The following SFSWAP variants were observed in gnomAD, a reference collection of about 807,000 sequenced individuals.
SFSWAP encodes splicing factor, suppressor of white-apricot homolog.
In SFSWAP, 17 loss-of-function variants were observed where a neutral mutation model predicts 100.7. The ratio of observed to expected loss-of-function variants is 0.17; its 90% CI spans 0.12 to 0.25. The LOEUF (loss-of-function observed/expected upper bound fraction) is 0.25. Ranked by LOEUF, SFSWAP falls within the 10% of genes least tolerant of loss-of-function variation. SFSWAP has a pLI of 1.00. For missense variants in SFSWAP, 1,005 were observed against 1,262.6 expected, an observed-to-expected ratio of 0.80 and a Z score of 3.09; for synonymous variants, 504 against 510.1, an observed-to-expected ratio of 0.99 and a Z score of 0.16.
intron 13 of SFSWAP, among the ~76,000 whole-genome samples, chr12:131,774,795 G>C (rs988044196): frequency 6.6e-6 from 1 of 152,304 alleles, no homozygotes; most frequent in Non-Finnish European, 1.5e-5. Flanking sequence ...AATAGACCTG[G>C]ACTTGATTAC....
chr12:131,785,643 G>C (rs1489694761), intron 14 of SFSWAP: 1 of 159,334 alleles, frequency 6.3e-6, no homozygotes, highest in African/African-American at 2.4e-5. Flanking sequence ...ATCACCCCTG[G>C]AGGGGCGCGG....
rs60047663 is a variant in SFSWAP, at chr12:131,740,966, C to CTTTTTTTTTTTTTTTTTTTT, written c.1082-12152_1082-12133dup. 7.3e-3 allele frequency among the ~76,000 whole-genome samples: 515 copies of CTTTTTTTTTTTTTTTTTTTT among 70,218 alleles called. 4 individuals carry two copies. The highest frequency in any genetic ancestry group is 0.012 in the East Asian group (23 of 1,976). The allele number at this position is 70,218 out of a possible 152,430, so 46.1% of individuals were successfully genotyped here. The stretch of plus-strand genomic sequence containing the variant: ...TCATTTCTTTTTTTTTCTTTTTTTT[C>CTTTTTTTTTTTTTTTTTTTT]TTTTTTTTTTTTTTTTTTTTTTTTG... On this transcript the variant is annotated intron_variant, in intron 7 of 17. Transcript: ENST00000261674.
chr12:131,771,193 A>G (rs544839316), intron 13 of SFSWAP, among the ~76,000 whole-genome samples: 1 of 152,288 alleles, frequency 6.6e-6, no homozygotes, highest in African/African-American at 2.4e-5. Flanking sequence ...AACTTTTTTC[A>G]CTTACAGTAG....
intron 11 of SFSWAP, among the ~76,000 whole-genome samples, chr12:131,763,531 T>A (rs970956274): frequency 1.1e-4 from 16 of 152,202 alleles, no homozygotes; most frequent in African/African-American, 3.9e-4. Flanking sequence ...GCCTCCATAT[T>A]TCCCTTAAAT....
In SFSWAP at chr12:131,756,531, C is replaced by G; in HGVS notation, c.1607C>G (p.Ala536Gly). The change falls in exon 11 of 18, where the codon GCT becomes GGT. Residue 536 changes from alanine (A) to glycine (G), a missense_variant. Ala to Gly is a moderately conservative substitution (Grantham distance 60). This residue lies in a region of SFSWAP where 311 missense variants were observed against 317.8 expected (regional missense o/e 0.98). Coordinates refer to ENST00000261674, the MANE Select transcript of SFSWAP (RefSeq NM_004592.4). The part of the protein sequence containing the change: ...TDSAPEKPSD[A>G]GEDGAPEDAA... ...TCTGCTCCCGAGAAGCCAAGTGATG[C>G]TGGGGAGGATGGCGCGCCTGAAGAC... 9 of 1,614,042 alleles carry G rather than the reference C, an allele frequency of 5.6e-6. No individual in the cohort carries two copies. The highest frequency in any genetic ancestry group is 7.6e-6 in the Non-Finnish European group (9 of 1,179,988).
chr12:131,735,178 A>G (rs1015140580), intron 7 of SFSWAP, among the ~76,000 whole-genome samples: 7 of 152,188 alleles, frequency 4.6e-5, no homozygotes, highest in Admixed American at 1.3e-4. Flanking sequence ...CCAAAAATCA[A>G]GTCCCCACAA....
chr12:131,793,595 A>G (rs1885428193), intron 15 of SFSWAP, among the ~76,000 whole-genome samples: 1 of 152,156 alleles, frequency 6.6e-6, no homozygotes, highest in Non-Finnish European at 1.5e-5. Context: ...CTCTGATAAG[A>G]GGAAAAAACC....
chr12:131,795,123 C>T (rs565424473), intron 15 of SFSWAP, among the ~76,000 whole-genome samples: 26 of 152,346 alleles, frequency 1.7e-4, no homozygotes, highest in Non-Finnish European at 2.6e-4. Flanking sequence ...GTGTGTTGAA[C>T]AGTAAACAAC....
At chr12:131,798,076 C>T (rs1026938542) in intron 16 of SFSWAP, among the ~76,000 whole-genome samples, 4 of 152,230 alleles carry the variant, frequency 2.6e-5, no homozygotes, top group African/African-American at 9.6e-5. Context: ...CGCCGTGGCT[C>T]ATACCTGTAA....
intron 10 of SFSWAP, among the ~76,000 whole-genome samples, chr12:131,756,192 T>C (rs1302039094): frequency 1.3e-5 from 2 of 152,052 alleles, no homozygotes; most frequent in Non-Finnish European, 1.5e-5. Flanking sequence ...GAGTAATCAG[T>C]GTCCAAAGAA....
At position 131,734,794 on chromosome 12, in the gene SFSWAP, T is replaced by A. The variant is rs909598807; in HGVS notation, c.1081+6366T>A. ...ACAGGTGAGATGAACGAGCTCTCCCTGCGTGCGCACGTCTACGTACGCTCG... is the reference window on the plus strand; with the variant it reads ...ACAGGTGAGATGAACGAGCTCTCCCAGCGTGCGCACGTCTACGTACGCTCG... On this transcript the variant is annotated intron_variant, in intron 7 of 17. Transcript: ENST00000261674. The surrounding 1 kb of genome is among the most constrained non-coding windows in gnomAD (Gnocchi z 4.9). Among the ~76,000 whole-genome samples, 1 of 152,076 alleles carries A rather than the reference T, an allele frequency of 6.6e-6. No individual in the cohort carries two copies. The highest frequency in any genetic ancestry group is 6.5e-5 in the Admixed American group (1 of 15,270).
At chr12:131,752,594 G>A (rs898345091) in intron 7 of SFSWAP, among the ~76,000 whole-genome samples, 1 of 152,180 alleles carries the variant, frequency 6.6e-6, no homozygotes, top group South Asian at 2.1e-4. Context: ...GGGGGCTGAC[G>A]CCAGGGTTGC....
At chr12:131,777,727 C>T in intron 13 of SFSWAP, among the ~76,000 whole-genome samples, 1 of 152,206 alleles carries the variant, frequency 6.6e-6, no homozygotes, top group African/African-American at 2.4e-5. Flanking sequence ...ACACTGACTT[C>T]CACAATGGGT....
chr12:131,746,963 G>T (rs1045399844), intron 7 of SFSWAP, among the ~76,000 whole-genome samples: 9 of 152,140 alleles, frequency 5.9e-5, no homozygotes, highest in African/African-American at 9.7e-5. Flanking sequence ...AATTAGCCGG[G>T]TGTGGTGGCG....
intron 4 of SFSWAP, among the ~76,000 whole-genome samples, chr12:131,722,087 C>G (rs1371542577): frequency 1.3e-5 from 2 of 152,184 alleles, no homozygotes; most frequent in Admixed American, 1.3e-4. Flanking sequence ...GTTAAGTAGA[C>G]TATTGCTGCT....
chr12:131,735,023 A>C, intron 7 of SFSWAP, among the ~76,000 whole-genome samples: 1 of 152,186 alleles, frequency 6.6e-6, no homozygotes, highest in South Asian at 2.1e-4. Context: ...GTTGCCACAC[A>C]GTCACAAAAG....
At chr12:131,761,872 G>A (rs973620092) in intron 11 of SFSWAP, among the ~76,000 whole-genome samples, 7 of 152,316 alleles carry the variant, frequency 4.6e-5, no homozygotes, top group Non-Finnish European at 1.0e-4. Flanking sequence ...CTGTGGAGCT[G>A]TAAAGGCTGA....
rs567658158 is a variant in SFSWAP, at chr12:131,737,413, C to T, written c.1081+8985C>T. ...GTTTGCGCTGCTTGCATTTTTTCAG[C>T]GTGACTCGTCACCCTCTCAAAACAT... On this transcript the variant is annotated intron_variant, in intron 7 of 17. Transcript: ENST00000261674. 4.6e-5 allele frequency among the ~76,000 whole-genome samples: 7 copies of T among 152,338 alleles called. 1 individual carries two copies. Among genetic ancestry groups the T allele is most frequent in the Admixed American group, 1.3e-4 (2 of 15,308 alleles).
intron 11 of SFSWAP, among the ~76,000 whole-genome samples, chr12:131,763,446 A>G (rs1295356236): frequency 2.0e-5 from 3 of 152,200 alleles, no homozygotes; most frequent in African/African-American, 4.8e-5. Context: ...AGAGCCATTT[A>G]TCACAGCATC....
Sources: allele counts gnomAD v4.1 joint callset (sites outside exome capture counted in the v4.1 genomes callset), GRCh38; gene constraint gnomAD v4.1.1; regional missense constraint gnomAD v4.1.1; non-coding constraint Gnocchi (gnomAD v3.1); transcripts MANE v1.5; gene names NCBI Gene and HGNC (gene_info 2026-07-23, HGNC 2026-07-21).